The following CCNY variants were observed in gnomAD, a reference collection of about 807,000 sequenced individuals.
The protein encoded by CCNY is cyclin-Y.
Under a neutral mutation model 42.8 loss-of-function variants are expected in CCNY, and 19 were observed. That is an observed-to-expected ratio of 0.44 (90% CI 0.31 to 0.65). The LOEUF (loss-of-function observed/expected upper bound fraction) is 0.65, where lower values mean the gene tolerates loss of function less well. Ranked by LOEUF, CCNY falls within the 30% of genes least tolerant of loss-of-function variation. The pLI, the probability that CCNY is intolerant of heterozygous loss-of-function variation, is 0.07. For missense variants in CCNY, 370 were observed against 437.3 expected (o/e 0.85, Z 1.37); for synonymous variants, 165 against 162.7 (o/e 1.01, Z -0.11).
At chr10:35,437,124 T>A (rs541210287) in intron 1 of CCNY, among the ~76,000 whole-genome samples, 4 of 152,266 alleles carry the variant, frequency 2.6e-5, no homozygotes, top group African/African-American at 9.6e-5. Context: ...ACCCCCACGA[T>A]TCAGTTATCT....
Position 35,485,426 on chromosome 10 carries a change from T to A in CCNY, c.229+1948T>A, listed in dbSNP as rs78974930. 3.5e-3 allele frequency among the ~76,000 whole-genome samples: 536 copies of A among 152,346 alleles called. 13 individuals are homozygous for A. In the East Asian group the frequency reaches 0.059, roughly 17 times the overall value. On this transcript the variant is annotated intron_variant, in intron 2 of 9. Coordinates refer to ENST00000374704, the MANE Select transcript of CCNY (RefSeq NM_145012.6). ...ATAAATAATTAGAAAAAATCAATTT[T>A]AAAAATAGGTAGATTTGGGCTGGGC...
intron 3 of CCNY, among the ~76,000 whole-genome samples, chr10:35,307,742 AC>A (rs1835625679): frequency 1.3e-5 from 2 of 149,640 alleles, no homozygotes; most frequent in Non-Finnish European, 1.5e-5. Flanking sequence ...GTATATATAT[AC>A]ATATTGATGT....
At chr10:35,356,249 G>T (rs1463694321) in intron 1 of CCNY, among the ~76,000 whole-genome samples, 6 of 152,194 alleles carry the variant, frequency 3.9e-5, no homozygotes, top group Non-Finnish European at 8.8e-5. Flanking sequence ...TAGTTGGGTA[G>T]TTTTCATTTT....
intron 1 of CCNY, among the ~76,000 whole-genome samples, chr10:35,389,643 C>T (rs548172344): frequency 5.9e-5 from 9 of 152,034 alleles, no homozygotes; most frequent in South Asian, 2.1e-4. Flanking sequence ...TTTACTGTGT[C>T]GGCAAGGCTG....
intron 1 of CCNY, among the ~76,000 whole-genome samples, chr10:35,450,146 GA>G (rs1373744315): frequency 6.6e-6 from 1 of 152,080 alleles, no homozygotes; most frequent in African/African-American, 2.4e-5. Context: ...GTAGCAGGGG[GA>G]GGGGTGGCAG....
intron 4 of CCNY, among the ~76,000 whole-genome samples, chr10:35,521,522 A>G (rs1401445780): frequency 2.0e-5 from 3 of 152,212 alleles, no homozygotes; most frequent in Non-Finnish European, 4.4e-5. Flanking sequence ...TAGGGTAGAC[A>G]CTGGTTCTGT....
chr10:35,567,443 G>T (rs780028282), intron 9 of CCNY, among the ~76,000 whole-genome samples: 11 of 152,354 alleles, frequency 7.2e-5, no homozygotes, highest in African/African-American at 2.6e-4. Flanking sequence ...CCTCCAGAGA[G>T]GGTGTGCCCC....
intron 3 of CCNY, among the ~76,000 whole-genome samples, chr10:35,326,630 G>A (rs1835883699): frequency 6.6e-6 from 1 of 152,076 alleles, no homozygotes; most frequent in Non-Finnish European, 1.5e-5. Flanking sequence ...CGGGTGTGGT[G>A]GCTCACACGT....
intron 3 of CCNY, among the ~76,000 whole-genome samples, chr10:35,280,975 G>T (rs1835293329): frequency 6.6e-6 from 1 of 152,124 alleles, no homozygotes; most frequent in Non-Finnish European, 1.5e-5. Flanking sequence ...CATACATGTG[G>T]CCAAAAAGCA....
intron 1 of CCNY, among the ~76,000 whole-genome samples, chr10:35,432,411 C>G (rs1034347679): frequency 1.3e-5 from 2 of 152,144 alleles, no homozygotes; most frequent in African/African-American, 4.8e-5. Flanking sequence ...AGTAAATGAC[C>G]AATATTTCTG....
At chr10:35,537,845 G>A (rs571378986) in intron 7 of CCNY, among the ~76,000 whole-genome samples, 1 of 152,064 alleles carries the variant, frequency 6.6e-6, no homozygotes, top group African/African-American at 2.4e-5. Flanking sequence ...ATGAAATGAG[G>A]GACTATTAGG....
At chr10:35,410,227 G>A (rs1371059928) in intron 1 of CCNY, among the ~76,000 whole-genome samples, 1 of 151,844 alleles carries the variant, frequency 6.6e-6, no homozygotes, top group Non-Finnish European at 1.5e-5. Flanking sequence ...AACAAAAGAG[G>A]AAAAATAGTT....
At chr10:35,476,489 A>G (rs891700612) in intron 1 of CCNY, among the ~76,000 whole-genome samples, 1 of 152,214 alleles carries the variant, frequency 6.6e-6, no homozygotes, top group African/African-American at 2.4e-5. Flanking sequence ...TCTCACTCAG[A>G]ACTGTTCAAC....
At chr10:35,389,879 T>C (rs778972956) in intron 1 of CCNY, among the ~76,000 whole-genome samples, 1 of 152,156 alleles carries the variant, frequency 6.6e-6, no homozygotes, top group Non-Finnish European at 1.5e-5. Context: ...TTGCCTTCTC[T>C]CATAAAGGCA....
rs148461840 is a variant in CCNY at position 35,469,969 on chromosome 10, CAG to C, written c.155-13434_155-13433del. ...ACAGACAGGGAGATGGAGAGACAGA[CAG>C]GGAGATAGGGCAGTGGAGAGACAGA... On this transcript the variant is annotated intron_variant, in intron 1 of 9. Coordinates refer to ENST00000374704, the MANE Select transcript of CCNY (RefSeq NM_145012.6). Among the ~76,000 whole-genome samples the C allele has an allele frequency of 1.3e-3, 157 of 117,042 alleles. 1 individual carries two copies. The highest frequency in any genetic ancestry group is 5.0e-3 in the African/African-American group (149 of 29,904). The allele number at this position is 117,042 out of a possible 152,430, so 76.8% of individuals were successfully genotyped here.
At chr10:35,457,823 A>G (rs895929215) in intron 1 of CCNY, among the ~76,000 whole-genome samples, 1 of 151,846 alleles carries the variant, frequency 6.6e-6, no homozygotes, top group Non-Finnish European at 1.5e-5. Context: ...CTCGTGATCC[A>G]CCCGCCTCGG....
At chr10:35,260,816 G>A (rs1321415298) in intron 3 of CCNY, among the ~76,000 whole-genome samples, 1 of 152,198 alleles carries the variant, frequency 6.6e-6, no homozygotes, top group Admixed American at 6.5e-5. Flanking sequence ...GCAAGGCTTG[G>A]TGTGTTAAGT....
At chr10:35,355,448 C>T (rs147008641) in intron 1 of CCNY, among the ~76,000 whole-genome samples, 12 of 151,860 alleles carry the variant, frequency 7.9e-5, no homozygotes, top group African/African-American at 1.9e-4. Context: ...GAGGCAGAGG[C>T]GGGTGGATCA....
chr10:35,311,204 G>A (rs1835679866), intron 3 of CCNY, among the ~76,000 whole-genome samples: 2 of 151,886 alleles, frequency 1.3e-5, no homozygotes, highest in Admixed American at 1.3e-4. Flanking sequence ...TGTAGTCCCA[G>A]CTACTTGAGA....
Sources: allele counts gnomAD v4.1 joint callset (sites outside exome capture counted in the v4.1 genomes callset), GRCh38; gene constraint gnomAD v4.1.1; transcripts MANE v1.5; gene names NCBI Gene and HGNC (gene_info 2026-07-23, HGNC 2026-07-21).